Variants in TCEANC2 observed in about 807,000 individuals in gnomAD.
TCEANC2 encodes transcription elongation factor A N-terminal and central domain-containing protein 2.
A neutral mutation model predicts 22.8 loss-of-function variants in TCEANC2; 20 were observed. The ratio of observed to expected loss-of-function variants is 0.88; its 90% confidence interval spans 0.62 to 1.28. TCEANC2 has a LOEUF of 1.28. Among genes scored for constraint, TCEANC2 ranks in the 50% most tolerant of loss-of-function variants. The pLI is 0.00. For synonymous variants in TCEANC2, 84 were observed against 95.5 expected (o/e 0.88, Z 0.70); for missense variants, 251 against 249.7 (o/e 1.01, Z -0.03).
At chr1:54,061,821 A>C (rs906809507) in intron 2 of TCEANC2, among the ~76,000 whole-genome samples, 1 of 152,188 alleles carries the variant, frequency 6.6e-6, no homozygotes, top group African/African-American at 2.4e-5. Flanking sequence ...TATTAGGACC[A>C]TTGTACTTCT....
intron 2 of TCEANC2, among the ~76,000 whole-genome samples, chr1:54,063,886 C>T (rs1438945922): frequency 6.6e-6 from 1 of 152,142 alleles, no homozygotes; most frequent in Admixed American, 6.6e-5. Context: ...TTTAAAAATA[C>T]TTTTGACCTA....
chr1:54,111,493 C>A (rs957732080), exon 5 of TCEANC2: 1 of 152,140 alleles, frequency 6.6e-6, no homozygotes, highest in Non-Finnish European at 1.5e-5. Context: ...GTGGCCAGTC[C>A]CCTCTCCACA....
intron 1 of TCEANC2, 121 bp downstream of exon 1, chr1:54,053,879 T>C (rs1309648409): frequency 6.5e-6 from 1 of 154,326 alleles, no homozygotes; most frequent in African/African-American, 2.4e-5. Flanking sequence ...GGTAGGGTCC[T>C]CTGACCACCG....
chr1:54,102,789 C>T lies in TCEANC2; in HGVS notation c.*6316C>T, dbSNP rs1186600642. 1 of 152,214 alleles carries T rather than the reference C, an allele frequency of 6.6e-6. No homozygotes were observed. The highest frequency in any genetic ancestry group is 1.5e-5 in the Non-Finnish European group (1 of 68,066). The allele number at this position is 152,214 out of a possible 1,614,324, so 9.4% of individuals were successfully genotyped here. A position where few individuals can be genotyped will look rare whatever the true frequency, so the allele number is the denominator to read the frequency against. Reference sequence around the variant, plus strand: ...GTCAGCTCAGTGTGTGTGAGCAAGACAAAAAAAGACCGTGGCTGCACTGCA... The same window carrying T: ...GTCAGCTCAGTGTGTGTGAGCAAGATAAAAAAAGACCGTGGCTGCACTGCA... On this transcript the variant is annotated 3_prime_UTR_variant, in exon 5 of 5. Coordinates refer to ENST00000234827, the MANE Select transcript of TCEANC2 (RefSeq NM_153035.3).
intron 3 of TCEANC2, among the ~76,000 whole-genome samples, chr1:54,081,118 G>A (rs1200363384): frequency 1.3e-5 from 2 of 152,076 alleles, no homozygotes; most frequent in Non-Finnish European, 1.5e-5. Context: ...CAGTACCTCA[G>A]GTATCTTTAC....
rs766742486 is a variant in TCEANC2, at chr1:54,079,117, CAACACTAT to C, written c.245-9478_245-9471del. ...GGTGAGCAGGCATGCTCCATTTTTG[CAACACTAT>C]ATATATGAATATTCTGGGAAAAGTT... On this transcript the variant is annotated intron_variant, in intron 3 of 4. Coordinates refer to ENST00000234827, the MANE Select transcript of TCEANC2 (RefSeq NM_153035.3). Among the ~76,000 whole-genome samples, 78 of 152,234 alleles carry C rather than the reference CAACACTAT, an allele frequency of 5.1e-4. 1 individual carries two copies. Among genetic ancestry groups the C allele is most frequent in the Non-Finnish European group, 5.3e-4 (36 of 68,010 alleles).
At chr1:54,084,770 T>TAAA (rs59615261) in intron 3 of TCEANC2, among the ~76,000 whole-genome samples, 1 of 144,668 alleles carries the variant, frequency 6.9e-6, no homozygotes, top group African/African-American at 2.5e-5. Flanking sequence ...AAACTCCGTC[T>TAAA]AAAAAAAAAA....
At chr1:54,072,525 T>C (rs1481636011) in intron 3 of TCEANC2, among the ~76,000 whole-genome samples, 1 of 152,066 alleles carries the variant, frequency 6.6e-6, no homozygotes, top group Non-Finnish European at 1.5e-5. Context: ...GCCTCCCAAG[T>C]AGCTGGGACT....
At chr1:54,087,366 C>T (rs1658358472) in intron 3 of TCEANC2, among the ~76,000 whole-genome samples, 1 of 152,112 alleles carries the variant, frequency 6.6e-6, no homozygotes, top group Non-Finnish European at 1.5e-5. Flanking sequence ...CTCATATGCC[C>T]TTCATCTAGA....
intron 2 of TCEANC2, among the ~76,000 whole-genome samples, chr1:54,057,702 T>C (rs1227456881): frequency 6.6e-6 from 1 of 152,194 alleles, no homozygotes; most frequent in Non-Finnish European, 1.5e-5. Context: ...TCAGGTCACT[T>C]TCCTGCCTAA....
chr1:54,109,890 C>G (rs1658814283), downstream of TCEANC2, among the ~76,000 whole-genome samples: 1 of 152,208 alleles, frequency 6.6e-6, no homozygotes. Context: ...AATACATAGC[C>G]TGTGGCAGGT....
chr1:54,054,598 G>T, intron 2 of TCEANC2, 74 bp downstream of exon 2: 1 of 1,431,958 alleles, frequency 7.0e-7, no homozygotes, highest in South Asian at 1.4e-5. Flanking sequence ...TTCTGTTGTG[G>T]AAAGACCTAT....
intron 3 of TCEANC2, among the ~76,000 whole-genome samples, chr1:54,085,970 G>A (rs1658331432): frequency 1.3e-5 from 2 of 152,154 alleles, no homozygotes; most frequent in Admixed American, 1.3e-4. Flanking sequence ...CTGGGCTCAA[G>A]TGATCCTCCC....
chr1:54,063,406 A>G (rs1056349545), intron 2 of TCEANC2, among the ~76,000 whole-genome samples: 1 of 152,146 alleles, frequency 6.6e-6, no homozygotes, highest in African/African-American at 2.4e-5. Context: ...TCTGTAGGGG[A>G]TTGGTTCCAG....
chr1:54,068,951 C>G (rs1454073160), intron 3 of TCEANC2, 54 bp downstream of exon 3: 13 of 1,423,628 alleles, frequency 9.1e-6, no homozygotes, highest in African/African-American at 5.9e-5. Flanking sequence ...TGTCTCCCTT[C>G]TTCTTTCCTT....
rs544542458 is a variant in TCEANC2 at position 54,096,253 on chromosome 1, G to A, written c.439-32G>A. The A allele has an allele frequency of 7.6e-5, 120 of 1,570,398 alleles. No individual in the cohort carries two copies. Among genetic ancestry groups the A allele is most frequent in the Middle Eastern group, 1.7e-4 (1 of 5,886 alleles). ...TGCTTTTAATCCTTACGCAATGTAA[G>A]GCTCTAATTTGATAATTTTGCTGTT... On this transcript the variant is annotated intron_variant, in intron 4 of 4. Coordinates refer to ENST00000234827, the MANE Select transcript of TCEANC2 (RefSeq NM_153035.3). This position sits in a 1 kb window ranked among gnomAD's most constrained non-coding sequence, Gnocchi z 4.9.
Position 54,068,693 on chromosome 1 carries a change from G to T in TCEANC2, c.103-63G>T. On this transcript the variant is annotated intron_variant, in intron 2 of 4. Coordinates refer to ENST00000234827, the MANE Select transcript of TCEANC2 (RefSeq NM_153035.3). ...GTCAATAGGAGCCCCATTAGCTCAG[G>T]TGAAGGCAGATGTCTTTCTAATGAA... The T allele has an allele frequency of 2.0e-6, 3 of 1,524,888 alleles. No individual in the cohort carries two copies. In the South Asian group the frequency reaches 4.0e-5, roughly 20 times the overall value. 94.5% of individuals were successfully genotyped at this position (1,524,888 alleles called of 1,614,324 possible). A position where few individuals can be genotyped will look rare whatever the true frequency, so the allele number is the denominator to read the frequency against.
intron 2 of TCEANC2, among the ~76,000 whole-genome samples, chr1:54,055,636 G>A (rs1459455256): frequency 6.6e-6 from 1 of 152,222 alleles, no homozygotes; most frequent in Non-Finnish European, 1.5e-5. Context: ...TCAGAAGGTG[G>A]GAGGAGGATC....
chr1:54,103,519 A>G lies in TCEANC2; in HGVS notation c.*7046A>G, dbSNP rs1386126300. ...CGGCTCCGTGATCCAATCACTTCCC[A>G]CCATGTCCCTCCCTCAACACGTGGG... is the stretch of plus-strand genomic sequence containing the variant. On this transcript the variant is annotated 3_prime_UTR_variant, in exon 5 of 5. Transcript: ENST00000234827. 1 of 152,230 alleles carries G rather than the reference A, an allele frequency of 6.6e-6. No individual in the cohort carries two copies. The highest frequency in any genetic ancestry group is 1.5e-5 in the Non-Finnish European group (1 of 68,052). The allele number at this position is 152,230 out of a possible 1,614,324, so 9.4% of individuals were successfully genotyped here. A position where few individuals can be genotyped will look rare whatever the true frequency, so the allele number is the denominator to read the frequency against.
Sources: gnomAD v4.1 joint callset for allele counts (sites outside exome capture counted in the v4.1 genomes callset) on GRCh38, gnomAD v4.1.1 for gene constraint, Gnocchi (gnomAD v3.1) non-coding constraint, MANE v1.5 for transcripts, NCBI Gene and HGNC (gene_info 2026-07-23, HGNC 2026-07-21) for gene names.